Variants in PTPRH observed in about 807,000 individuals in gnomAD.
PTPRH encodes the protein receptor-type tyrosine-protein phosphatase H.
Under a neutral mutation model 130.2 loss-of-function variants are expected in PTPRH, and 113 were observed. The observed-to-expected ratio is 0.87, with a 90% CI of 0.75 to 1.01. The LOEUF is 1.01. Ranked by LOEUF, PTPRH falls within the 50% of genes least tolerant of loss-of-function variation. PTPRH has a pLI of 0.00. For missense variants in PTPRH, 1,430 were observed against 1,425.0 expected, an observed-to-expected ratio of 1.00 and a Z score of -0.06; for synonymous variants, 556 against 577.9, an observed-to-expected ratio of 0.96 and a Z score of 0.54.
chr19:55,207,266 G>C (rs1055063358), intron 1 of PTPRH, 67 bp from the exon 2 acceptor site: 2 of 1,547,892 alleles, frequency 1.3e-6, no homozygotes, highest in African/African-American at 2.7e-5. Context: ...AGGCCGAGGG[G>C]CTGGGAGGAG....
chr19:55,188,205 A>T, intron 12 of PTPRH, 37 bp from the exon 13 acceptor site: 1 of 1,541,384 alleles, frequency 6.5e-7, no homozygotes, highest in Non-Finnish European at 9.0e-7. Context: ...AAAGACCGTA[A>T]CTTCTTTTAA....
intron 8 of PTPRH, 113 bp from the exon 9 acceptor site, chr19:55,197,529 G>T: frequency 1.0e-6 from 1 of 990,020 alleles, no homozygotes; most frequent in Non-Finnish European, 1.5e-6. Flanking sequence ...TGGCTCCAGT[G>T]GCTAAGGAGG....
intron 12 of PTPRH, 135 bp downstream of exon 12, chr19:55,191,366 C>T (rs2086529560): frequency 6.8e-6 from 7 of 1,026,550 alleles, no homozygotes; most frequent in South Asian, 4.2e-5. Context: ...TGGTCCCTGT[C>T]GCAGAGGCAT....
intron 6 of PTPRH, among the ~76,000 whole-genome samples, chr19:55,200,964 C>A (rs200336759): frequency 1.7e-4 from 26 of 148,722 alleles, no homozygotes; most frequent in Admixed American, 2.7e-4. Flanking sequence ...AAAAAACAAA[C>A]AAAAAAAACA....
At position 55,186,325 on chromosome 19, in the gene PTPRH, T is replaced by C. The variant is rs774205533; in HGVS notation, c.2678A>G (p.Gln893Arg). The C allele has an allele frequency of 6.2e-7, 1 of 1,614,012 alleles. No individual in the cohort carries two copies. The highest frequency in any genetic ancestry group is 8.5e-7 in the Non-Finnish European group (1 of 1,179,970). Residue 893 changes from glutamine (Q) to arginine (R), a missense_variant, in exon 16 of 20, where the codon CAG (glutamine) becomes CGG (arginine). By Grantham distance (43) the Gln-to-Arg change is conservative. Transcript: ENST00000376350. ...ACCCACTGTCTGTGGCAGGGGACCC[T>C]GGGTTGCAATGAACTCCTGGGGGCT... Reference protein sequence around the residue: ...LWSPQEFIATQGPLPQTVGDF... With the variant: ...LWSPQEFIATRGPLPQTVGDF...
intron 18 of PTPRH, among the ~76,000 whole-genome samples, chr19:55,185,218 C>T (rs1356392675): frequency 6.6e-6 from 1 of 152,110 alleles, no homozygotes; most frequent in Non-Finnish European, 1.5e-5. Context: ...TTCTCAGACT[C>T]CTGAACTCAA....
Position 55,185,607 on chromosome 19 carries a change from T to C in PTPRH, c.2957A>G (p.Asp986Gly). The part of the protein sequence containing the change: ...VRQFHYQAWP[D>G]HGVPSSPDTL... ...GTCTGGGGAGGAGGGAACGCCGTGATCCGGCCAGGCCTGGTAGTGGAATTG... is the reference window on the plus strand; with the variant it reads ...GTCTGGGGAGGAGGGAACGCCGTGACCCGGCCAGGCCTGGTAGTGGAATTG... The change falls in exon 18 of 20, where the codon GAT (aspartate) becomes GGT (glycine). Residue 986 changes from aspartate (D) to glycine (G), a missense_variant. Asp to Gly is a moderately conservative substitution (Grantham distance 94). Coordinates refer to ENST00000376350, the MANE Select transcript of PTPRH (RefSeq NM_002842.5). 3 of 1,614,026 alleles carry C rather than the reference T, an allele frequency of 1.9e-6. No individual in the cohort carries two copies. The East Asian group carries it at 6.7e-5, about 36-fold the overall frequency.
In PTPRH at chr19:55,202,307, C is replaced by T; in HGVS notation, c.902G>A (p.Arg301Lys). 1 of 1,614,210 alleles carries T rather than the reference C, an allele frequency of 6.2e-7. No homozygotes were observed. Among genetic ancestry groups the T allele is most frequent in the Non-Finnish European group, 8.5e-7 (1 of 1,180,026 alleles). The change falls in exon 6 of 20, where the codon AGA becomes AAA. Residue 301 changes from arginine (R) to lysine (K), a missense_variant. Coordinates refer to ENST00000376350, the MANE Select transcript of PTPRH (RefSeq NM_002842.5). The stretch of plus-strand genomic sequence containing the variant: ...GGTCTGAGCCTCCACTGTCAGGTTT[C>T]TCACTGGGTTGGGAGCTGAAAACCA... ...VTSATAPNPVRNLTVEAQTNS... is the reference protein window; with the variant it reads ...VTSATAPNPVKNLTVEAQTNS...
rs753483336 is a variant in PTPRH at position 55,198,750 on chromosome 19, G to A, written c.1583C>T (p.Thr528Ile). ...TDPRTQSTSG[T>I]DITLKELEAG... The stretch of plus-strand genomic sequence containing the variant: ...TTCCAGTTCCTTTAGGGTGATGTCA[G>A]TACCTGAGGTGCTTTGGGTCCTGGG... Residue 528 changes from threonine to isoleucine, a missense_variant, in exon 8 of 20, where the codon ACT (threonine) becomes ATT (isoleucine). Transcript: ENST00000376350. 6.2e-6 allele frequency: 10 copies of A among 1,614,036 alleles called. No homozygotes were observed. Among genetic ancestry groups the A allele is most frequent in the South Asian group, 3.3e-5 (3 of 91,084 alleles).
In PTPRH at chr19:55,200,506, A is replaced by G; in HGVS notation, c.1154-4T>C. ...AGGTTTCTCACTGGGTTGGGGGCTG[A>G]GAAAGTAGGAAGAAGATCCTATGTT... On this transcript the variant is annotated splice_region_variant and splice_polypyrimidine_tract_variant and intron_variant, in intron 6 of 19. Transcript: ENST00000376350. 1 of 1,613,706 alleles carries G rather than the reference A, an allele frequency of 6.2e-7. No individual in the cohort carries two copies. The highest frequency in any genetic ancestry group is 1.7e-5 in the Admixed American group (1 of 59,966).
rs1000248892 is a variant in PTPRH, at chr19:55,196,877, C to T, written c.1991-89G>A. The T allele has an allele frequency of 4.0e-6, 6 of 1,488,948 alleles. No individual in the cohort carries two copies. The African/African-American group carries it at 7.0e-5, about 17-fold the overall frequency. 92.2% of individuals were successfully genotyped at this position (1,488,948 alleles called of 1,614,324 possible). On this transcript the variant is annotated intron_variant, in intron 9 of 19. Transcript: ENST00000376350. ...TACCCCCAGTTTTCTGAGACGAGCC[C>T]ATCCCTTCCTCGCCAAATCCAAACT...
chr19:55,190,497 ATAT>A (rs1413233717), intron 12 of PTPRH, among the ~76,000 whole-genome samples: 2 of 140,808 alleles, frequency 1.4e-5, no homozygotes, highest in Non-Finnish European at 3.0e-5. Context: ...TATAATTTAT[ATAT>A]TATATTATAT....
chr19:55,185,878 T>C lies in PTPRH; in HGVS notation c.2885A>G (p.Glu962Gly), dbSNP rs747493527. ...CACACGCACCTGGAGGAGCAGCAGT[T>C]CCCGCACCGTCCAGTTCTCCATCAC... Reference protein sequence around the residue: ...EEVMENWTVRELLLLQVEEQK... With the variant: ...EEVMENWTVRGLLLLQVEEQK... The change falls in exon 17 of 20, where the codon GAA becomes GGA. Residue 962 changes from glutamate to glycine, a missense_variant. By Grantham distance (98) the Glu-to-Gly change is moderately conservative. Coordinates refer to ENST00000376350, the MANE Select transcript of PTPRH (RefSeq NM_002842.5). 6.2e-7 allele frequency: 1 copy of C among 1,613,954 alleles called. No homozygotes were observed. Among genetic ancestry groups the C allele is most frequent in the African/African-American group, 1.3e-5 (1 of 74,874 alleles).
intron 13 of PTPRH, 30 bp downstream of exon 13, chr19:55,188,048 C>CTGA (rs1294453346): frequency 1.3e-6 from 2 of 1,584,794 alleles, no homozygotes; most frequent in East Asian, 4.5e-5. Context: ...CGGAGGGAGA[C>CTGA]TGAGCTCAGC....
intron 14 of PTPRH, among the ~76,000 whole-genome samples, chr19:55,187,032 G>C (rs1599982219): frequency 6.9e-6 from 1 of 145,936 alleles, no homozygotes; most frequent in South Asian, 2.2e-4. Context: ...GTGACAGCAA[G>C]ACTCTGTCTC....
intron 8 of PTPRH, 27 bp downstream of exon 8, chr19:55,198,616 C>A: frequency 6.5e-7 from 1 of 1,545,614 alleles, no homozygotes; most frequent in Non-Finnish European, 8.8e-7. Context: ...CCTAATAGGG[C>A]TGGGTTCAGA....
At chr19:55,189,885 T>G (rs1009581528) in intron 12 of PTPRH, 28 of 375,004 alleles carry the variant, frequency 7.5e-5, no homozygotes, top group Non-Finnish European at 1.3e-4. Context: ...TCCCAGCTAC[T>G]GGGGAGGCTG....
chr19:55,187,352 A>AG (rs1373291077), intron 14 of PTPRH, among the ~76,000 whole-genome samples, 161 bp downstream of exon 14: 1 of 139,186 alleles, frequency 7.2e-6, no homozygotes, highest in African/African-American at 2.9e-5. Flanking sequence ...CTCAAAAAAA[A>AG]AAAAAAAAGA....
intron 4 of PTPRH, among the ~76,000 whole-genome samples, chr19:55,205,065 C>T (rs1312684012): frequency 6.6e-6 from 1 of 152,122 alleles, no homozygotes; most frequent in Non-Finnish European, 1.5e-5. Flanking sequence ...GGTAACATGC[C>T]TTGGCCCCTA....
Sources: allele counts gnomAD v4.1 joint callset (sites outside exome capture counted in the v4.1 genomes callset), GRCh38; gene constraint gnomAD v4.1.1; transcripts MANE v1.5; gene names NCBI Gene and HGNC (gene_info 2026-07-23, HGNC 2026-07-21).